SLC2A9: variants seen among roughly 807,000 people sequenced by gnomAD.
SLC2A9 encodes solute carrier family 2, facilitated glucose transporter member 9.
A neutral mutation model predicts 50.6 loss-of-function variants in SLC2A9; 39 were observed. The ratio of observed to expected loss-of-function variants is 0.77; its 90% CI spans 0.60 to 1.01. The LOEUF (loss-of-function observed/expected upper bound fraction) is 1.01, where lower values mean the gene tolerates loss of function less well. Ranked by LOEUF, SLC2A9 falls within the 50% of genes least tolerant of loss-of-function variation. The probability of loss-of-function intolerance (pLI) is 0.00; values close to 1 mark genes in which losing one functional copy is unlikely to be tolerated. For synonymous variants in SLC2A9, 324 were observed against 276.9 expected (o/e 1.17, Z -1.69); for missense variants, 686 against 677.6 (o/e 1.01, Z -0.14).
intron 7 of SLC2A9, among the ~76,000 whole-genome samples, chr4:9,913,269 T>C (rs945510654): frequency 2.0e-5 from 3 of 152,000 alleles, no homozygotes; most frequent in African/African-American, 4.8e-5. Flanking sequence ...TGGATAAAGA[T>C]ATAATTAATA....
At chr4:9,879,332 G>C (rs1734815671) in intron 10 of SLC2A9, 1 of 985,274 alleles carries the variant, frequency 1.0e-6, no homozygotes. Context: ...AATAGCACAT[G>C]CAAAGGCTGA....
chr4:10,016,431 C>G (rs1395904209), intron 2 of SLC2A9, among the ~76,000 whole-genome samples: 1 of 152,134 alleles, frequency 6.6e-6, no homozygotes, highest in African/African-American at 2.4e-5. Context: ...CTGATTAACG[C>G]ATGAAAAGTA....
At chr4:10,037,719 T>G (rs1764150962) in intron 1 of SLC2A9, among the ~76,000 whole-genome samples, 1 of 151,982 alleles carries the variant, frequency 6.6e-6, no homozygotes, top group African/African-American at 2.4e-5. Flanking sequence ...AAGGCCAAGG[T>G]GGGCAGATCA....
upstream of SLC2A9, among the ~76,000 whole-genome samples, chr4:10,024,263 C>T (rs926023435): frequency 2.0e-5 from 3 of 152,150 alleles, no homozygotes; most frequent in Non-Finnish European, 2.9e-5. Context: ...GGATGGTGTG[C>T]GTCTCAATGG....
chr4:9,792,529 CATT>C (rs1720080953), intron 3 of SLC2A9, among the ~76,000 whole-genome samples: 1 of 152,018 alleles, frequency 6.6e-6, no homozygotes, highest in African/African-American at 2.4e-5. Flanking sequence ...GAATAGCTAA[CATT>C]GTTGCTAAAG....
chr4:10,024,428 A>G (rs1284379451), upstream of SLC2A9, among the ~76,000 whole-genome samples: 1 of 152,234 alleles, frequency 6.6e-6, no homozygotes, highest in Non-Finnish European at 1.5e-5. Context: ...GTGTCCTTAT[A>G]GGAAGAGGAA....
chr4:10,025,592 G>A (rs577416524), upstream of SLC2A9: 4 of 341,310 alleles, frequency 1.2e-5, no homozygotes, highest in African/African-American at 6.3e-5. Flanking sequence ...TATCTTTAAC[G>A]ATGATGACAT....
chr4:9,917,186 G>A lies in SLC2A9; in HGVS notation c.1002+3199C>T, dbSNP rs149341985. ...CTGCCTAAAATAAGTCACTTTAAGC[G>A]ACAGGTCTAATTTTAGAGAATGGAA... On this transcript the variant is annotated intron_variant, in intron 7 of 11. Coordinates refer to ENST00000264784, the MANE Select transcript of SLC2A9 (RefSeq NM_020041.3). 2.1e-3 allele frequency among the ~76,000 whole-genome samples: 327 copies of A among 152,110 alleles called. 1 individual carries two copies. Among genetic ancestry groups the A allele is most frequent in the South Asian group, 0.013 (64 of 4,814 alleles).
downstream of SLC2A9, among the ~76,000 whole-genome samples, chr4:9,798,124 CTGG>C (rs1346672562): frequency 6.6e-6 from 1 of 152,182 alleles, no homozygotes; most frequent in East Asian, 1.9e-4. Context: ...CAGGATGGGT[CTGG>C]TGCAACCAGG....
At chr4:9,838,096 A>G (rs1233832946) in intron 10 of SLC2A9, among the ~76,000 whole-genome samples, 1 of 152,132 alleles carries the variant, frequency 6.6e-6, no homozygotes, top group African/African-American at 2.4e-5. Context: ...GTTAGATACT[A>G]TAATAATAAT....
intron 10 of SLC2A9, among the ~76,000 whole-genome samples, chr4:9,878,708 T>C (rs1577664085): frequency 6.6e-6 from 1 of 152,156 alleles, no homozygotes; most frequent in East Asian, 1.9e-4. Context: ...AGGGTAGCCT[T>C]GGGAACCCCT....
chr4:9,775,732 C>A (rs189988257), downstream of SLC2A9, among the ~76,000 whole-genome samples: 7 of 152,280 alleles, frequency 4.6e-5, no homozygotes, highest in African/African-American at 1.7e-4. Context: ...AGAAGCCAAG[C>A]AGATGCCAGC....
chr4:9,961,197 G>A (rs1296671095), intron 5 of SLC2A9, among the ~76,000 whole-genome samples: 1 of 152,122 alleles, frequency 6.6e-6, no homozygotes, highest in Non-Finnish European at 1.5e-5. Context: ...CCTTCCCACA[G>A]AGAGGCTTGG....
intron 10 of SLC2A9, among the ~76,000 whole-genome samples, chr4:9,836,496 G>A (rs1727136176): frequency 6.6e-6 from 1 of 152,082 alleles, no homozygotes; most frequent in East Asian, 1.9e-4. Context: ...AGATCATGCC[G>A]AGTGGAGGGA....
At chr4:10,034,144 C>A (rs1456561846) in intron 1 of SLC2A9, 1 of 152,262 alleles carries the variant, frequency 6.6e-6, no homozygotes. Flanking sequence ...AGAAAAGTAA[C>A]AAATCTGGAG....
intron 3 of SLC2A9, among the ~76,000 whole-genome samples, chr4:9,810,163 G>A (rs1284292997): frequency 6.6e-6 from 1 of 151,898 alleles, no homozygotes; most frequent in Non-Finnish European, 1.5e-5. Context: ...CTCATAGAAG[G>A]CTGGGCATTT....
At chr4:9,992,644 T>C (rs559971974) in intron 3 of SLC2A9, among the ~76,000 whole-genome samples, 35 of 152,288 alleles carry the variant, frequency 2.3e-4, no homozygotes, top group African/African-American at 6.5e-4. Flanking sequence ...ATGGGAGAGA[T>C]TGCCTGACAA....
At position 9,836,267 on chromosome 4, in the gene SLC2A9, C is replaced by A. The variant is rs183736014; in HGVS notation, c.1292-1259G>T. ...CCACCAAAAAACTTATTCATGTAAC[C>A]AAACACCACCTGTTCCCCAAAAAAC... On this transcript the variant is annotated intron_variant, in intron 10 of 11. Transcript: ENST00000264784. Among the ~76,000 whole-genome samples the A allele has an allele frequency of 4.6e-5, 7 of 151,352 alleles. No individual in the cohort carries two copies. In the East Asian group the frequency reaches 1.4e-3, roughly 29 times the overall value.
chr4:10,033,392 C>T (rs111953533), intron 1 of SLC2A9, among the ~76,000 whole-genome samples: 3 of 152,272 alleles, frequency 2.0e-5, no homozygotes, highest in South Asian at 4.1e-4. Context: ...TCTAGAACAC[C>T]CTCTTCCCCC....
Sources: gnomAD v4.1 joint callset for allele counts (sites outside exome capture counted in the v4.1 genomes callset) on GRCh38, gnomAD v4.1.1 for gene constraint, MANE v1.5 for transcripts, NCBI Gene and HGNC (gene_info 2026-07-23, HGNC 2026-07-21) for gene names.